The following ANKRD11 variants were observed in gnomAD, a reference collection of about 807,000 sequenced individuals.
The protein encoded by ANKRD11 is ankyrin repeat domain 11.
In ANKRD11, 17 loss-of-function variants were observed where a neutral mutation model predicts 195.7. That is an observed-to-expected ratio of 0.09 (90% CI 0.06 to 0.13). The LOEUF is 0.13. ANKRD11 is among the 10% of genes least tolerant of loss of function. The probability of loss-of-function intolerance (pLI) is 1.00; values close to 1 mark genes in which losing one functional copy is unlikely to be tolerated. For missense variants in ANKRD11, 3,735 were observed against 3,566.1 expected, an observed-to-expected ratio of 1.05 and a Z score of -1.21; for synonymous variants, 1,953 against 1,528.1, an observed-to-expected ratio of 1.28 and a Z score of -6.49.
intron 2 of ANKRD11, among the ~76,000 whole-genome samples, chr16:89,367,453 G>A (rs2039997226): frequency 6.6e-6 from 1 of 152,178 alleles, no homozygotes; most frequent in African/African-American, 2.4e-5. Flanking sequence ...ACGACCGGGA[G>A]TCTCAGGGGA....
rs2057795815 is a variant in ANKRD11, at chr16:89,490,558, C to T, written c.-458G>A. 1 of 421,864 alleles carries T rather than the reference C, an allele frequency of 2.4e-6. No individual in the cohort carries two copies. The highest frequency in any genetic ancestry group is 4.2e-6 in the Non-Finnish European group (1 of 239,182). 26.1% of individuals were successfully genotyped at this position (421,864 alleles called of 1,614,324 possible). A position where few individuals can be genotyped will look rare whatever the true frequency, so the allele number is the denominator to read the frequency against. On this transcript the variant is annotated 5_prime_UTR_variant, in exon 1 of 13. Coordinates refer to ENST00000301030, the MANE Select transcript of ANKRD11 (RefSeq NM_013275.6). ...CCATCGCGCACCGTCTCAGGGCGGC[C>T]TCTGGCTCCAGGACCCAGCGGCGGC...
Position 89,280,867 on chromosome 16 carries a change from G to A in ANKRD11, c.5675C>T (p.Pro1892Leu). The A allele has an allele frequency of 6.2e-7, 1 of 1,604,930 alleles. No individual in the cohort carries two copies. ...AACCAGCAGCTCGGCTCTGGGGGAA[G>A]GGGAAGGTTTTGCTTGTAAACTTGA... ...VFSSLQAKPSPSPRAELLVPS... is the reference protein window; with the variant it reads ...VFSSLQAKPSLSPRAELLVPS... The change falls in exon 9 of 13, where the codon CCT (proline) becomes CTT (leucine). Residue 1892 changes from proline to leucine, a missense_variant. Coordinates refer to ENST00000301030, the MANE Select transcript of ANKRD11 (RefSeq NM_013275.6).
intron 3 of ANKRD11, among the ~76,000 whole-genome samples, chr16:89,312,413 G>C (rs981219525): frequency 1.3e-5 from 2 of 152,160 alleles, no homozygotes; most frequent in African/African-American, 4.8e-5. Flanking sequence ...GGCGGAGGCA[G>C]CATGCAGGCA....
intron 3 of ANKRD11, among the ~76,000 whole-genome samples, chr16:89,305,580 G>A (rs747270215): frequency 1.4e-4 from 21 of 152,042 alleles, no homozygotes; most frequent in African/African-American, 2.4e-4. Context: ...CCTGCGCACC[G>A]GAGGGACGCT....
intron 7 of ANKRD11, chr16:89,288,040 G>T: frequency 1.8e-6 from 1 of 546,392 alleles, no homozygotes; most frequent in Non-Finnish European, 3.2e-6. Context: ...CCCCCACAGA[G>T]GCTGAGACCT....
intron 2 of ANKRD11, among the ~76,000 whole-genome samples, chr16:89,363,090 T>G (rs1281044229): frequency 6.6e-6 from 1 of 152,144 alleles, no homozygotes; most frequent in African/African-American, 2.4e-5. Flanking sequence ...CTGAGGAAAT[T>G]AAATTTACGT....
At chr16:89,470,312 C>T (rs1448843311) in intron 1 of ANKRD11, among the ~76,000 whole-genome samples, 1 of 152,134 alleles carries the variant, frequency 6.6e-6, no homozygotes, top group African/African-American at 2.4e-5. Context: ...ACCCTTTCTA[C>T]AAATCCTGCC....
At chr16:89,426,926 C>A (rs1275627669) in intron 1 of ANKRD11, among the ~76,000 whole-genome samples, 1 of 152,196 alleles carries the variant, frequency 6.6e-6, no homozygotes, top group African/African-American at 2.4e-5. Context: ...AATGAATAAT[C>A]CAAGTGGCAG....
At chr16:89,359,853 C>G (rs558985484) in intron 2 of ANKRD11, among the ~76,000 whole-genome samples, 26 of 152,240 alleles carry the variant, frequency 1.7e-4, no homozygotes, top group African/African-American at 6.0e-4. Context: ...ACCCTAAGAA[C>G]AGAGAGTGCC....
At chr16:89,465,211 T>C (rs1380639094) in intron 1 of ANKRD11, among the ~76,000 whole-genome samples, 1 of 152,144 alleles carries the variant, frequency 6.6e-6, no homozygotes, top group Non-Finnish European at 1.5e-5. Flanking sequence ...ACAGAAAAAC[T>C]GAGATGGAGT....
At chr16:89,347,253 A>G (rs1224455402) in intron 2 of ANKRD11, among the ~76,000 whole-genome samples, 1 of 152,236 alleles carries the variant, frequency 6.6e-6, no homozygotes, top group Non-Finnish European at 1.5e-5. Context: ...AAGCTGACAC[A>G]TAAGCCTGAC....
intron 4 of ANKRD11, among the ~76,000 whole-genome samples, chr16:89,293,767 C>G (rs1198246634): frequency 6.6e-6 from 1 of 151,376 alleles, no homozygotes; most frequent in Non-Finnish European, 1.5e-5. Flanking sequence ...TTGGGAGGAG[C>G]TGGGGCGGTG....
At chr16:89,408,495 T>C (rs1201990698) in intron 2 of ANKRD11, among the ~76,000 whole-genome samples, 1 of 152,192 alleles carries the variant, frequency 6.6e-6, no homozygotes, top group African/African-American at 2.4e-5. Flanking sequence ...CCAGATTCCC[T>C]CACCCTGCTC....
At chr16:89,406,962 A>G (rs2041930901) in intron 2 of ANKRD11, among the ~76,000 whole-genome samples, 1 of 152,166 alleles carries the variant, frequency 6.6e-6, no homozygotes, top group Admixed American at 6.5e-5. Flanking sequence ...GGGGGAGCAG[A>G]TCACTTGAGG....
chr16:89,358,766 C>A (rs916780283), intron 2 of ANKRD11, among the ~76,000 whole-genome samples: 6 of 152,158 alleles, frequency 3.9e-5, no homozygotes, highest in Non-Finnish European at 8.8e-5. Flanking sequence ...CACGTGCAAA[C>A]CACTTCCCCT....
intron 2 of ANKRD11, among the ~76,000 whole-genome samples, chr16:89,369,593 G>C (rs2040104900): frequency 6.6e-6 from 1 of 152,236 alleles, no homozygotes; most frequent in Admixed American, 6.5e-5. Flanking sequence ...TGCCAGGGTG[G>C]AAAGAGGATC....
At chr16:89,410,393 G>A (rs577296600) in intron 2 of ANKRD11, among the ~76,000 whole-genome samples, 116 of 152,346 alleles carry the variant, frequency 7.6e-4, no homozygotes, top group African/African-American at 2.7e-3. Context: ...CCAAGGAAAT[G>A]GAGATAATAA....
intron 4 of ANKRD11, among the ~76,000 whole-genome samples, chr16:89,302,820 C>G (rs1407354987): frequency 6.6e-6 from 1 of 152,174 alleles, no homozygotes; most frequent in Non-Finnish European, 1.5e-5. Context: ...TCTCACCTAC[C>G]CTGTCCTCAC....
At chr16:89,387,696 A>AG (rs1344581901) in intron 2 of ANKRD11, among the ~76,000 whole-genome samples, 38 of 138,076 alleles carry the variant, frequency 2.8e-4, no homozygotes, top group African/African-American at 9.5e-4. Context: ...GAAAAAGAAA[A>AG]AAAAAAAAAA....
Sources: allele counts gnomAD v4.1 joint callset (sites outside exome capture counted in the v4.1 genomes callset), GRCh38; gene constraint gnomAD v4.1.1; transcripts MANE v1.5; gene names NCBI Gene and HGNC (gene_info 2026-07-23, HGNC 2026-07-21).